SPTA1: variants seen among roughly 807,000 people sequenced by gnomAD.
SPTA1 encodes the protein spectrin alpha, erythrocytic 1.
Under a neutral mutation model 324.7 loss-of-function variants are expected in SPTA1, and 177 were observed. The ratio of observed to expected loss-of-function variants is 0.55; its 90% CI spans 0.48 to 0.62. SPTA1 has a LOEUF of 0.62. Among genes scored for constraint, SPTA1 ranks in the 20% least tolerant of loss-of-function variants. SPTA1 has a pLI of 0.00. For missense variants in SPTA1, 3,162 were observed against 2,883.6 expected (o/e 1.10, Z -2.21); for synonymous variants, 1,195 against 1,041.3 (o/e 1.15, Z -2.84).
At chr1:158,677,952 T>A in intron 6 of SPTA1, 118 bp from the exon 7 acceptor site, 1 of 1,248,346 alleles carries the variant, frequency 8.0e-7, no homozygotes. Flanking sequence ...TATCCTTTCT[T>A]CCTACATACT....
chr1:158,624,677 T>C (rs1270174676), intron 42 of SPTA1, among the ~76,000 whole-genome samples: 1 of 152,230 alleles, frequency 6.6e-6, no homozygotes, highest in African/African-American at 2.4e-5. Flanking sequence ...CAGCCAGGAT[T>C]TGAGGGGCTA....
At chr1:158,620,496 C>A (rs779143646) in intron 43 of SPTA1, 30 bp from the exon 44 acceptor site, 4 of 1,611,756 alleles carry the variant, frequency 2.5e-6, no homozygotes, top group Non-Finnish European at 3.4e-6. Context: ...ACACTACCAT[C>A]TTTCCTGATA....
At chr1:158,685,489 G>A (rs1571542313) in intron 1 of SPTA1, 142 bp from the exon 2 acceptor site, 1 of 1,201,526 alleles carries the variant, frequency 8.3e-7, no homozygotes, top group Non-Finnish European at 1.2e-6. Flanking sequence ...CAGAAGAGCT[G>A]TAGTATATTT....
intron 21 of SPTA1, 123 bp from the exon 22 acceptor site, chr1:158,653,548 C>T: frequency 1.6e-6 from 2 of 1,284,230 alleles, no homozygotes; most frequent in South Asian, 1.2e-5. Context: ...CTAACCATGT[C>T]TAATGAGTGG....
intron 30 of SPTA1, among the ~76,000 whole-genome samples, chr1:158,643,764 T>A (rs1651789682): frequency 6.6e-6 from 1 of 152,188 alleles, no homozygotes; most frequent in African/African-American, 2.4e-5. Flanking sequence ...TAAGAGAGTC[T>A]GCTTGCTGCC....
chr1:158,615,061 G>C, intron 48 of SPTA1, 155 bp downstream of exon 48: 1 of 789,214 alleles, frequency 1.3e-6, no homozygotes, highest in Non-Finnish European at 2.1e-6. Flanking sequence ...TCAGTATAAA[G>C]AGAAATAGTC....
rs1483705449 is a variant in SPTA1 at position 158,645,399 on chromosome 1, G to A, written c.3997-14C>T. The A allele has an allele frequency of 1.2e-6, 2 of 1,613,824 alleles. No individual in the cohort carries two copies. On this transcript the variant is annotated splice_polypyrimidine_tract_variant and intron_variant, in intron 28 of 51. Transcript: ENST00000643759. ...AGCACGGTGCTCCTGTGGGAAAAAG[G>A]GGGAAGAAATCAGTGAGGCCAACTC...
At chr1:158,612,487 T>C (rs917863919) in intron 51 of SPTA1, 3 of 354,232 alleles carry the variant, frequency 8.5e-6, no homozygotes, top group Non-Finnish European at 1.6e-5. Flanking sequence ...GGACTGTGTC[T>C]TACTAAAGTT....
chr1:158,673,223 TAA>T (rs10715247), intron 10 of SPTA1, among the ~76,000 whole-genome samples: 1 of 152,006 alleles, frequency 6.6e-6, no homozygotes, highest in Non-Finnish European at 1.5e-5. Flanking sequence ...CTTGTTAAAA[TAA>T]AAAAAAACTA....
In SPTA1 at chr1:158,644,295, CA is replaced by C. The variant is rs1411236279; in HGVS notation, c.4295del (p.Leu1432Ter). ...TGTCCAAATCGTCCCGTTTCTTCAT[CA>C]AAGCCTCCAGACTGTCTAAGGAACT... ...DKSSLDSLEA[L>X]MKKRDDLDKA... On this transcript the variant is annotated frameshift_variant, in exon 30 of 52. Coordinates refer to ENST00000643759, the MANE Select transcript of SPTA1 (RefSeq NM_003126.4). LOFTEE classifies it high-confidence loss of function. 5.6e-6 allele frequency: 9 copies of C among 1,613,824 alleles called. No homozygotes were observed. The highest frequency in any genetic ancestry group is 7.6e-6 in the Non-Finnish European group (9 of 1,179,914).
rs1385058542 is a variant in SPTA1 at position 158,677,734 on chromosome 1, T to G, written c.913A>C (p.Ser305Arg). 2.5e-6 allele frequency: 4 copies of G among 1,613,664 alleles called. No homozygotes were observed. Among genetic ancestry groups the G allele is most frequent in the Non-Finnish European group, 3.4e-6 (4 of 1,179,736 alleles). The change falls in exon 7 of 52, where the codon AGT becomes CGT. Residue 305 changes from serine (S) to arginine (R), a missense_variant. Physicochemically the swap from Ser to Arg is moderately radical, Grantham distance 110 (BLOSUM62 -1). Transcript: ENST00000643759. ...AGATTTCTCTCAAGTCCCTTGTGAC[T>G]GTGAAACAGTCCTTCAGAGGCAACA... is the stretch of plus-strand genomic sequence containing the variant. ...DLVASEGLFH[S>R]HKGLERNLAV...
chr1:158,653,265 A>T lies in SPTA1; in HGVS notation c.3188+9T>A. ...AATACTGTTCAGTTCTCCAGGCTCC[A>T]GAACTTACTGGTTCTCAATCTGCTC... On this transcript the variant is annotated intron_variant, in intron 22 of 51. Coordinates refer to ENST00000643759, the MANE Select transcript of SPTA1 (RefSeq NM_003126.4). 6.2e-7 allele frequency: 1 copy of T among 1,614,138 alleles called. No individual in the cohort carries two copies. The highest frequency in any genetic ancestry group is 1.7e-5 in the Admixed American group (1 of 60,014).
At position 158,645,316 on chromosome 1, in the gene SPTA1, T is replaced by C. The variant is rs768163369; in HGVS notation, c.4066A>G (p.Ile1356Val). 3 of 1,614,066 alleles carry C rather than the reference T, an allele frequency of 1.9e-6. No individual in the cohort carries two copies. Among genetic ancestry groups the C allele is most frequent in the Non-Finnish European group, 2.5e-6 (3 of 1,179,970 alleles). ...QALEDFSAELIDSGHHASPEI... is the reference protein window; with the variant it reads ...QALEDFSAELVDSGHHASPEI... ...GGGCTAGCATGGTGCCCACTGTCGA[T>C]AAGTTCTGCACTGAAGTCCTCTAAG... is the stretch of plus-strand genomic sequence containing the variant. Residue 1356 changes from isoleucine (I) to valine (V), a missense_variant, in exon 29 of 52, where the codon ATC becomes GTC. Transcript: ENST00000643759.
rs778522376 is a variant in SPTA1, at chr1:158,656,670, T to C, written c.2806-14A>G. ...CTTTAGAAGAGCCTGCATTTATTGA[T>C]GGAAGATCATCAGAATGAATATAGG... is the stretch of plus-strand genomic sequence containing the variant. On this transcript the variant is annotated splice_polypyrimidine_tract_variant and intron_variant, in intron 19 of 51. Coordinates refer to ENST00000643759, the MANE Select transcript of SPTA1 (RefSeq NM_003126.4). 4.4e-6 allele frequency: 7 copies of C among 1,602,794 alleles called. No homozygotes were observed. The highest frequency in any genetic ancestry group is 1.1e-5 in the South Asian group (1 of 90,866).
intron 49 of SPTA1, 142 bp downstream of exon 49, chr1:158,614,111 G>T (rs752088948): frequency 9.6e-5 from 77 of 802,524 alleles, no homozygotes; most frequent in Non-Finnish European, 1.4e-4. Context: ...CTCACAGAAA[G>T]CCATGACTGG....
chr1:158,652,141 T>C (rs144268422), intron 23 of SPTA1, among the ~76,000 whole-genome samples: 103 of 152,232 alleles, frequency 6.8e-4, no homozygotes, highest in African/African-American at 2.4e-3. Context: ...TTACACATGG[T>C]ACAACAATAC....
intron 40 of SPTA1, 68 bp downstream of exon 40, chr1:158,627,557 A>AT (rs1650359516): frequency 1.4e-6 from 2 of 1,444,226 alleles, no homozygotes. Context: ...TGATCTTAGC[A>AT]TTTCTACATT....
In SPTA1 at chr1:158,666,461, A is replaced by G. The variant is rs766122094; in HGVS notation, c.2075T>C (p.Phe692Ser). Residue 692 changes from phenylalanine (F) to serine (S), a missense_variant, in exon 16 of 52, where the codon TTT becomes TCT. Transcript: ENST00000643759. ...QLHEANQQLQFENNAEDLQRW... is the reference protein window; with the variant it reads ...QLHEANQQLQSENNAEDLQRW... ...CTGCAAATCTTCTGCATTATTTTCA[A>G]ATTGCAGCTGCTGGTTGGCCTCATG... The G allele has an allele frequency of 6.8e-6, 11 of 1,612,064 alleles. No homozygotes were observed. Among genetic ancestry groups the G allele is most frequent in the African/African-American group, 2.7e-5 (2 of 74,980 alleles).
chr1:158,678,804 T>C (rs1654589512), intron 5 of SPTA1, among the ~76,000 whole-genome samples: 1 of 152,126 alleles, frequency 6.6e-6, no homozygotes, highest in Non-Finnish European at 1.5e-5. Context: ...CCTGATGTTA[T>C]TTTTAGAGCT....
Sources: allele counts gnomAD v4.1 joint callset (sites outside exome capture counted in the v4.1 genomes callset), GRCh38; gene constraint gnomAD v4.1.1; transcripts MANE v1.5; gene names NCBI Gene and HGNC (gene_info 2026-07-23, HGNC 2026-07-21).